LOC112694756: variants seen among roughly 807,000 people sequenced by gnomAD.
the LOC112694756 span, chr16:30,066,935 T>C: frequency 2.6e-6 from 4 of 1,550,950 alleles, no homozygotes; most frequent in Non-Finnish European, 3.5e-6. Flanking sequence ...AGCTTCAACA[T>C]GACCCACCTG....
chr16:30,069,941 G>C, the LOC112694756 span: 1 of 1,613,890 alleles, frequency 6.2e-7, no homozygotes, highest in South Asian at 1.1e-5. Flanking sequence ...TCCTACGGCC[G>C]AGCCCTGCAG....
chr16:30,068,789 C>T, the LOC112694756 span: 44 of 1,614,104 alleles, frequency 2.7e-5, no homozygotes, highest in Non-Finnish European at 3.6e-5. Flanking sequence ...CCCTCCCCAC[C>T]GTGCTCTGAC....
chr16:30,067,851 C>T, the LOC112694756 span: 2 of 697,594 alleles, frequency 2.9e-6, no homozygotes, highest in Non-Finnish European at 4.8e-6. Flanking sequence ...TCCCACTTTA[C>T]ACATGAAAAT....
the LOC112694756 span, among the ~76,000 whole-genome samples, chr16:30,062,435 G>A: frequency 2.0e-5 from 3 of 151,838 alleles, no homozygotes; most frequent in Non-Finnish European, 4.4e-5. Flanking sequence ...GGGAGGCTGA[G>A]GCAGGAGAAT....
the LOC112694756 span, chr16:30,067,947 TGTC>T: frequency 3.9e-6 from 2 of 507,276 alleles, no homozygotes; most frequent in East Asian, 7.3e-5. Context: ...ACATTTCTGT[TGTC>T]AAATAACATC....
chr16:30,063,381 C>CG, the LOC112694756 span, among the ~76,000 whole-genome samples: 1 of 152,002 alleles, frequency 6.6e-6, no homozygotes, highest in Non-Finnish European at 1.5e-5. Context: ...GCACAGACCC[C>CG]GGGACTGTAG....
At chr16:30,056,375 T>C in the LOC112694756 span, among the ~76,000 whole-genome samples, 1 of 152,162 alleles carries the variant, frequency 6.6e-6, no homozygotes, top group Non-Finnish European at 1.5e-5. Flanking sequence ...TTTTAAAACC[T>C]ATATGTTTTT....
chr16:30,063,656 T>C, the LOC112694756 span: 2 of 398,942 alleles, frequency 5.0e-6, no homozygotes, highest in South Asian at 2.6e-4. Flanking sequence ...GGCCTCTCTG[T>C]TCCCTTCTCC....
At chr16:30,065,025 C>G in the LOC112694756 span, among the ~76,000 whole-genome samples, 6 of 152,256 alleles carry the variant, frequency 3.9e-5, no homozygotes, top group African/African-American at 1.4e-4. Flanking sequence ...CGGTGCATAG[C>G]CGCGCATTCT....
the LOC112694756 span, chr16:30,066,861 A>G: frequency 1.3e-6 from 2 of 1,544,080 alleles, no homozygotes; most frequent in Admixed American, 2.0e-5. Context: ...ATTCTAAAAT[A>G]CTCCGGTTCG....
the LOC112694756 span, among the ~76,000 whole-genome samples, chr16:30,063,469 C>T: frequency 9.2e-5 from 14 of 152,170 alleles, no homozygotes; most frequent in South Asian, 2.9e-3. Context: ...CTCTGGTCCT[C>T]AGTCTCCTCA....
the LOC112694756 span, among the ~76,000 whole-genome samples, chr16:30,059,435 C>T: frequency 6.6e-6 from 1 of 151,862 alleles, no homozygotes; most frequent in East Asian, 2.0e-4. Context: ...GGAGGCGGAC[C>T]TTGCAGTGAG....
At chr16:30,057,082 G>C in the LOC112694756 span, among the ~76,000 whole-genome samples, 1 of 151,906 alleles carries the variant, frequency 6.6e-6, no homozygotes, top group Non-Finnish European at 1.5e-5. Context: ...GGCTAATTTT[G>C]TATTTTTAGT....
the LOC112694756 span, among the ~76,000 whole-genome samples, chr16:30,056,072 A>G: frequency 1.5e-5 from 2 of 132,862 alleles, no homozygotes; most frequent in Non-Finnish European, 3.1e-5. Flanking sequence ...ACGTGCTGGG[A>G]TTACAGGCGT....
chr16:30,054,611 A>G, the LOC112694756 span: 2 of 394,114 alleles, frequency 5.1e-6, no homozygotes, highest in African/African-American at 4.1e-5. Flanking sequence ...ATGATAGGGA[A>G]AAAGGCAGGC....
the LOC112694756 span, chr16:30,067,171 G>A: frequency 6.2e-7 from 1 of 1,605,618 alleles, no homozygotes; most frequent in Non-Finnish European, 8.5e-7. Flanking sequence ...AGGGGCCCTG[G>A]TCATCGGGAG....
chr16:30,062,075 C>T, the LOC112694756 span, among the ~76,000 whole-genome samples: 25 of 150,746 alleles, frequency 1.7e-4, no homozygotes, highest in Non-Finnish European at 3.4e-4. Flanking sequence ...TAGTGGCGGG[C>T]GCCTGTAATC....
the LOC112694756 span, chr16:30,068,798 A>AC: frequency 6.2e-7 from 1 of 1,614,020 alleles, no homozygotes; most frequent in Non-Finnish European, 8.5e-7. Flanking sequence ...CCGTGCTCTG[A>AC]CCCCTTCCTC....
chr16:30,055,762 G>A, the LOC112694756 span, among the ~76,000 whole-genome samples: 2 of 151,626 alleles, frequency 1.3e-5, no homozygotes, highest in Non-Finnish European at 2.9e-5. Flanking sequence ...CCTCCCTCCA[G>A]AGCTGGGTCC....
Sources: allele counts gnomAD v4.1 joint callset (sites outside exome capture counted in the v4.1 genomes callset), GRCh38; gene constraint gnomAD v4.1.1; transcripts MANE v1.5.